The following NUP210L variants were observed in gnomAD, a reference collection of about 807,000 sequenced individuals.
NUP210L encodes nuclear pore membrane glycoprotein 210-like.
A neutral mutation model predicts 208.5 loss-of-function variants in NUP210L; 74 were observed. The observed-to-expected ratio is 0.35, with a 90% CI of 0.29 to 0.43. The LOEUF is 0.43. NUP210L is among the 20% of genes least tolerant of loss of function. NUP210L has a pLI of 1.00. For missense variants in NUP210L, 1,843 were observed against 2,289.4 expected (o/e 0.81, Z 3.98); for synonymous variants, 780 against 816.9 (o/e 0.95, Z 0.77).
chr1:154,118,612 A>G, intron 11 of NUP210L, 59 bp downstream of exon 11: 1 of 1,170,426 alleles, frequency 8.5e-7, no homozygotes, highest in Non-Finnish European at 1.1e-6. Flanking sequence ...AAATTTCAAT[A>G]AATTAAGCTA....
At chr1:154,147,581 T>G (rs1424650154) in intron 2 of NUP210L, among the ~76,000 whole-genome samples, 1 of 151,368 alleles carries the variant, frequency 6.6e-6, no homozygotes, top group East Asian at 2.0e-4. Flanking sequence ...TGGGCTCAAG[T>G]GTTCCTCCTG....
chr1:154,054,206 G>C (rs768808651), intron 25 of NUP210L, 22 bp downstream of exon 25: 1 of 1,612,498 alleles, frequency 6.2e-7, no homozygotes, highest in Non-Finnish European at 8.5e-7. Flanking sequence ...AATAGAAGCA[G>C]AGCAGAGCAA....
At chr1:154,032,022 G>A (rs180929988) in intron 27 of NUP210L, among the ~76,000 whole-genome samples, 1,537 of 152,128 alleles carry the variant, frequency 0.01, 12 homozygotes, top group Non-Finnish European at 0.016. Context: ...GAGTTACGGC[G>A]CCCAGCCATC....
chr1:154,078,611 A>G (rs572494285), intron 16 of NUP210L, among the ~76,000 whole-genome samples: 21 of 151,954 alleles, frequency 1.4e-4, no homozygotes, highest in Non-Finnish European at 2.6e-4. Context: ...AAAAAAAAGA[A>G]AACAATATAT....
exon 40 of NUP210L, chr1:153,992,775 T>C (rs1649534350): frequency 8.7e-7 from 1 of 1,145,462 alleles, no homozygotes; most frequent in Non-Finnish European, 1.3e-6. Context: ...GTTAGGCTTC[T>C]TGTCGAGGAC....
intron 14 of NUP210L, among the ~76,000 whole-genome samples, chr1:154,099,205 AG>A (rs1161251224): frequency 6.6e-6 from 1 of 151,682 alleles, no homozygotes; most frequent in Admixed American, 6.6e-5. Context: ...TTGCATGGCA[AG>A]GGGGTAGTGG....
intron 22 of NUP210L, 66 bp downstream of exon 22, chr1:154,058,023 C>T: frequency 6.5e-7 from 1 of 1,547,700 alleles, no homozygotes; most frequent in South Asian, 1.2e-5. Flanking sequence ...GAAAGCTGAC[C>T]AGGTCACTAG....
intron 5 of NUP210L, 110 bp downstream of exon 5, chr1:154,139,687 CAAAAA>C (rs879154434): frequency 2.0e-5 from 11 of 543,160 alleles, no homozygotes; most frequent in Admixed American, 3.2e-5. Flanking sequence ...AACAAACAAA[CAAAAA>C]AAAAAAAAAA....
intron 15 of NUP210L, among the ~76,000 whole-genome samples, chr1:154,093,613 G>T (rs548733152): frequency 6.6e-6 from 1 of 151,982 alleles, no homozygotes; most frequent in Admixed American, 6.6e-5. Flanking sequence ...GTGAGAACCT[G>T]TCTCTAAAAT....
intron 27 of NUP210L, among the ~76,000 whole-genome samples, chr1:154,030,420 C>T (rs1652148433): frequency 6.6e-6 from 1 of 152,016 alleles, no homozygotes; most frequent in South Asian, 2.1e-4. Context: ...ACCTCACTCT[C>T]CCTAGTAGCT....
At chr1:154,151,638 T>C (rs1659389026) in intron 2 of NUP210L, among the ~76,000 whole-genome samples, 2 of 152,164 alleles carry the variant, frequency 1.3e-5, no homozygotes, top group South Asian at 4.1e-4. Context: ...GAATAGGTTT[T>C]AGGTGGTTTT....
At chr1:154,080,168 T>A (rs1655245178) in intron 16 of NUP210L, among the ~76,000 whole-genome samples, 2 of 147,518 alleles carry the variant, frequency 1.4e-5, no homozygotes, top group South Asian at 4.4e-4. Context: ...GAGACCAGCC[T>A]GGCCAACATG....
intron 14 of NUP210L, among the ~76,000 whole-genome samples, chr1:154,096,050 C>T (rs1656163472): frequency 6.6e-6 from 1 of 152,108 alleles, no homozygotes; most frequent in Admixed American, 6.6e-5. Flanking sequence ...CACCCATCAA[C>T]CCATCATGTA....
chr1:154,077,707 G>A (rs1004194545), intron 16 of NUP210L, among the ~76,000 whole-genome samples: 3 of 152,060 alleles, frequency 2.0e-5, no homozygotes, highest in Non-Finnish European at 2.9e-5. Context: ...ATATATGGCC[G>A]GGTGCGGTGG....
intron 2 of NUP210L, among the ~76,000 whole-genome samples, chr1:154,146,371 G>T (rs2148152998): frequency 6.6e-6 from 1 of 152,218 alleles, no homozygotes; most frequent in South Asian, 2.1e-4. Flanking sequence ...TCTTTCAGAA[G>T]AATACTAGTT....
chr1:154,031,138 G>A (rs989766618), intron 27 of NUP210L, among the ~76,000 whole-genome samples: 1 of 152,024 alleles, frequency 6.6e-6, no homozygotes, highest in Non-Finnish European at 1.5e-5. Flanking sequence ...GACCAGTTTG[G>A]AGTGCAATGG....
chr1:154,061,807 G>A, intron 17 of NUP210L, 133 bp from the exon 18 acceptor site: 1 of 650,562 alleles, frequency 1.5e-6, no homozygotes. Context: ...CTCTCAATGG[G>A]GAAATACATA....
chr1:154,012,987 CAA>C (rs1651020137), intron 33 of NUP210L, among the ~76,000 whole-genome samples: 2 of 103,822 alleles, frequency 1.9e-5, no homozygotes, highest in African/African-American at 7.9e-5. Context: ...GCCTGGGCAA[CAA>C]GAGTGAAACT....
chr1:154,003,012 T>TC (rs1489758863), intron 35 of NUP210L, among the ~76,000 whole-genome samples: 25 of 149,674 alleles, frequency 1.7e-4, no homozygotes, highest in Non-Finnish European at 7.4e-5. Context: ...TAGCTGTCTT[T>TC]TTTTTTTTTT....
Sources: allele counts gnomAD v4.1 joint callset (sites outside exome capture counted in the v4.1 genomes callset), GRCh38; gene constraint gnomAD v4.1.1; transcripts MANE v1.5; gene names NCBI Gene and HGNC (gene_info 2026-07-23, HGNC 2026-07-21).